Variants in SLC35F3 observed in about 807,000 individuals in gnomAD.
The protein encoded by SLC35F3 is solute carrier family 35 member F3.
A neutral mutation model predicts 49.9 loss-of-function variants in SLC35F3; 25 were observed. The ratio of observed to expected loss-of-function variants is 0.50; its 90% CI spans 0.37 to 0.70. The LOEUF is 0.70. SLC35F3 is among the 30% of genes least tolerant of loss of function. SLC35F3 has a pLI of 0.00. For missense variants in SLC35F3, 525 were observed against 639.8 expected (o/e 0.82, Z 1.94); for synonymous variants, 275 against 265.4 (o/e 1.04, Z -0.35).
At chr1:234,177,870 G>T (rs1337734596) in intron 2 of SLC35F3, among the ~76,000 whole-genome samples, 3 of 152,200 alleles carry the variant, frequency 2.0e-5, no homozygotes, top group South Asian at 4.1e-4. Flanking sequence ...TACAGGGCAT[G>T]TCATGGTTTA....
intron 3 of SLC35F3, among the ~76,000 whole-genome samples, chr1:234,264,839 C>T (rs570320913): frequency 9.8e-5 from 15 of 152,334 alleles, no homozygotes; most frequent in African/African-American, 3.6e-4. Flanking sequence ...AGGCATGCTC[C>T]TCCATACCTG....
chr1:234,131,847 G>A lies in SLC35F3; in HGVS notation c.284-99570G>A, dbSNP rs117399694. Among the ~76,000 whole-genome samples the A allele has an allele frequency of 2.0e-5, 3 of 152,310 alleles. No individual in the cohort carries two copies. In the East Asian group the frequency reaches 5.8e-4, roughly 29 times the overall value. On this transcript the variant is annotated intron_variant, in intron 2 of 7. Coordinates refer to ENST00000366618, the MANE Select transcript of SLC35F3 (RefSeq NM_173508.4). The stretch of plus-strand genomic sequence containing the variant: ...GCGTGTATTAGCCTAATTTAGAACA[G>A]ATCACTTACCACTTTTTTTAAAGAA...
intron 2 of SLC35F3, among the ~76,000 whole-genome samples, chr1:234,199,220 C>T (rs1313452122): frequency 6.6e-6 from 1 of 151,744 alleles, no homozygotes; most frequent in Admixed American, 6.6e-5. Context: ...AGAGTGAGAC[C>T]CTGTCTCGAA....
chr1:233,938,517 G>A (rs1330332503), intron 2 of SLC35F3, among the ~76,000 whole-genome samples: 2 of 152,196 alleles, frequency 1.3e-5, no homozygotes, highest in East Asian at 1.9e-4. Context: ...ATATCAAAGG[G>A]ATGGATGCTA....
chr1:234,225,220 C>T (rs995253978), intron 2 of SLC35F3, among the ~76,000 whole-genome samples: 8 of 152,186 alleles, frequency 5.3e-5, no homozygotes, highest in African/African-American at 1.9e-4. Context: ...AATAATGTCA[C>T]ACATAAATTC....
chr1:233,963,926 T>G (rs982286084), intron 2 of SLC35F3, among the ~76,000 whole-genome samples: 1 of 152,224 alleles, frequency 6.6e-6, no homozygotes, highest in African/African-American at 2.4e-5. Context: ...GGTTGGCTGA[T>G]GCACCTGGGG....
At chr1:234,162,999 T>C (rs903531962) in intron 2 of SLC35F3, among the ~76,000 whole-genome samples, 4 of 152,224 alleles carry the variant, frequency 2.6e-5, no homozygotes, top group Non-Finnish European at 5.9e-5. Flanking sequence ...AGAAGAATCA[T>C]GACCTAGGTC....
intron 2 of SLC35F3, among the ~76,000 whole-genome samples, chr1:234,196,160 A>G (rs1666806889): frequency 6.6e-6 from 1 of 152,226 alleles, no homozygotes; most frequent in Admixed American, 6.5e-5. Flanking sequence ...CCAGTGTGTC[A>G]TGTTAATTTA....
At chr1:234,052,678 T>C (rs1330160010) in intron 2 of SLC35F3, among the ~76,000 whole-genome samples, 1 of 152,236 alleles carries the variant, frequency 6.6e-6, no homozygotes, top group African/African-American at 2.4e-5. Context: ...TGCCTTCTGC[T>C]AGCTTTTAAT....
intron 2 of SLC35F3, among the ~76,000 whole-genome samples, chr1:234,121,481 GAAGA>G: frequency 6.6e-6 from 1 of 152,234 alleles, no homozygotes; most frequent in Middle Eastern, 3.4e-3. Flanking sequence ...ATATATTTTA[GAAGA>G]AAGACTTGGA....
intron 2 of SLC35F3, among the ~76,000 whole-genome samples, chr1:233,922,277 A>T (rs893234816): frequency 1.3e-5 from 2 of 152,006 alleles, no homozygotes; most frequent in East Asian, 3.9e-4. Context: ...AAGTGTTCCT[A>T]TTTCTCCACA....
At chr1:234,145,995 C>A (rs1428470500) in intron 2 of SLC35F3, among the ~76,000 whole-genome samples, 1 of 152,084 alleles carries the variant, frequency 6.6e-6, no homozygotes, top group African/African-American at 2.4e-5. Flanking sequence ...TAACTTTCAA[C>A]CTTTTTACAT....
chr1:233,936,845 T>G (rs1471181704), intron 2 of SLC35F3, among the ~76,000 whole-genome samples: 1 of 152,076 alleles, frequency 6.6e-6, no homozygotes, highest in African/African-American at 2.4e-5. Context: ...TGTGCCACCA[T>G]GCTGGGCTGA....
chr1:234,150,594 C>T (rs1666061567), intron 2 of SLC35F3, among the ~76,000 whole-genome samples: 1 of 152,144 alleles, frequency 6.6e-6, no homozygotes, highest in Admixed American at 6.5e-5. Context: ...AAAATAGATC[C>T]CATGTCTGCT....
At chr1:234,153,863 G>A (rs1369394043) in intron 2 of SLC35F3, among the ~76,000 whole-genome samples, 2 of 151,944 alleles carry the variant, frequency 1.3e-5, no homozygotes, top group Non-Finnish European at 2.9e-5. Context: ...CACGAGGTCA[G>A]GAGATCGAGA....
intron 2 of SLC35F3, among the ~76,000 whole-genome samples, chr1:234,146,897 G>A (rs1666006035): frequency 6.6e-6 from 1 of 152,070 alleles, no homozygotes; most frequent in Non-Finnish European, 1.5e-5. Context: ...GTGTTTTGGT[G>A]TCTTAGTGTG....
intron 2 of SLC35F3, among the ~76,000 whole-genome samples, chr1:234,131,856 C>T (rs912807437): frequency 6.6e-6 from 1 of 152,066 alleles, no homozygotes; most frequent in Admixed American, 6.5e-5. Context: ...AGATCACTTA[C>T]CACTTTTTTT....
intron 3 of SLC35F3, among the ~76,000 whole-genome samples, chr1:234,267,502 GGGGGGCTGA>G (rs1668006999): frequency 7.0e-6 from 1 of 143,796 alleles, no homozygotes. Flanking sequence ...CTGGCCGGGC[GGGGGGCTGA>G]CCCCCCCACC....
chr1:234,065,358 A>C (rs1174427702), intron 2 of SLC35F3, among the ~76,000 whole-genome samples: 2 of 152,168 alleles, frequency 1.3e-5, no homozygotes, highest in African/African-American at 4.8e-5. Context: ...CGTGTTAGCC[A>C]GGCTGTTCTG....
Sources: gnomAD v4.1 joint callset for allele counts (sites outside exome capture counted in the v4.1 genomes callset) on GRCh38, gnomAD v4.1.1 for gene constraint, MANE v1.5 for transcripts, NCBI Gene and HGNC (gene_info 2026-07-23, HGNC 2026-07-21) for gene names.